ASTN1: variants seen among roughly 807,000 people sequenced by gnomAD.
ASTN1 encodes astrotactin-1.
A neutral mutation model predicts 140.7 loss-of-function variants in ASTN1; 41 were observed. That is an observed-to-expected ratio of 0.29 (90% CI 0.23 to 0.38). The LOEUF (loss-of-function observed/expected upper bound fraction) is 0.38. Among genes scored for constraint, ASTN1 ranks in the 10% least tolerant of loss-of-function variants. The pLI, the probability that ASTN1 is intolerant of heterozygous loss-of-function variation, is 1.00. For synonymous variants in ASTN1, 640 were observed against 652.2 expected (o/e 0.98, Z 0.29); for missense variants, 1,479 against 1,678.8 (o/e 0.88, Z 2.08).
chr1:176,919,473 C>T (rs550643726), intron 16 of ASTN1, among the ~76,000 whole-genome samples: 2 of 151,950 alleles, frequency 1.3e-5, no homozygotes, highest in African/African-American at 2.4e-5. Flanking sequence ...TCTACTCTAC[C>T]GTGTAAAAGA....
intron 20 of ASTN1, among the ~76,000 whole-genome samples, chr1:176,877,970 A>G (rs116680958): frequency 8.7e-4 from 133 of 152,316 alleles, no homozygotes; most frequent in African/African-American, 2.9e-3. Context: ...AACAGAGAAA[A>G]GACAACCATG....
chr1:176,862,623 A>C lies in ASTN1; in HGVS notation c.*1661T>G, dbSNP rs2103006034. ...CTGGAGACCAACAGCCTGAAATCAC[A>C]CTGAAACTCAGTGTGAGTTACAGTG... On this transcript the variant is annotated 3_prime_UTR_variant, in exon 23 of 23. Coordinates refer to ENST00000361833, the MANE Select transcript of ASTN1 (RefSeq NM_004319.3). 1 of 971,438 alleles carries C rather than the reference A, an allele frequency of 1.0e-6. No homozygotes were observed. The highest frequency in any genetic ancestry group is 1.8e-5 in the African/African-American group (1 of 56,986). 60.2% of individuals were successfully genotyped at this position (971,438 alleles called of 1,614,324 possible).
chr1:176,979,164 A>G (rs1558006335), intron 8 of ASTN1, among the ~76,000 whole-genome samples: 2 of 152,192 alleles, frequency 1.3e-5, no homozygotes, highest in Non-Finnish European at 2.9e-5. Flanking sequence ...TAGGGGGATC[A>G]TGGAACTTCC....
chr1:177,126,513 G>C (rs1332529511), intron 1 of ASTN1, among the ~76,000 whole-genome samples: 5 of 152,148 alleles, frequency 3.3e-5, no homozygotes, highest in African/African-American at 1.2e-4. Context: ...TAGCACAGGA[G>C]AGTTAATAAA....
At chr1:176,912,348 A>G (rs1282429886) in intron 16 of ASTN1, among the ~76,000 whole-genome samples, 1 of 152,222 alleles carries the variant, frequency 6.6e-6, no homozygotes, top group South Asian at 2.1e-4. Flanking sequence ...GCTTCAATAA[A>G]ACATTATTTA....
intron 1 of ASTN1, among the ~76,000 whole-genome samples, chr1:177,134,255 C>T (rs1682073610): frequency 2.0e-5 from 3 of 152,130 alleles, no homozygotes; most frequent in Admixed American, 2.0e-4. Context: ...TGCCTTTTTG[C>T]TTCTGAAATG....
intron 1 of ASTN1, among the ~76,000 whole-genome samples, chr1:177,095,033 T>A (rs1679962240): frequency 6.6e-6 from 1 of 152,202 alleles, no homozygotes; most frequent in South Asian, 2.1e-4. Context: ...CTTGGCTTAA[T>A]TGTGTTCGTG....
chr1:176,929,906 G>A lies in ASTN1; in HGVS notation c.2671+4246C>T, dbSNP rs1262006873. 2.0e-5 allele frequency among the ~76,000 whole-genome samples: 3 copies of A among 152,278 alleles called. No individual in the cohort carries two copies. In the East Asian group the frequency reaches 5.8e-4, roughly 30 times the overall value. Reference sequence around the variant, plus strand: ...GCCTGTAGTCCCAGCTACTCAGGAGGCTGAGGCAGGAGAATGGCGTGAACC... The same window carrying A: ...GCCTGTAGTCCCAGCTACTCAGGAGACTGAGGCAGGAGAATGGCGTGAACC... On this transcript the variant is annotated intron_variant, in intron 16 of 22. Coordinates refer to ENST00000361833, the MANE Select transcript of ASTN1 (RefSeq NM_004319.3).
chr1:176,959,290 T>A (rs1479241851), intron 9 of ASTN1, among the ~76,000 whole-genome samples: 5 of 152,122 alleles, frequency 3.3e-5, no homozygotes, highest in Non-Finnish European at 7.4e-5. Context: ...GTGGATGGGA[T>A]ATGAGGAGGC....
chr1:177,108,877 G>A (rs761919186), intron 1 of ASTN1, among the ~76,000 whole-genome samples: 17 of 152,100 alleles, frequency 1.1e-4, no homozygotes, highest in Admixed American at 1.3e-4. Flanking sequence ...GCATTTAGGT[G>A]GCAATGGAAA....
At chr1:176,952,533 A>G (rs1304788316) in intron 11 of ASTN1, among the ~76,000 whole-genome samples, 1 of 152,078 alleles carries the variant, frequency 6.6e-6, no homozygotes, top group Non-Finnish European at 1.5e-5. Flanking sequence ...TTTCTTCTTA[A>G]CCTTTGGGAA....
intron 1 of ASTN1, among the ~76,000 whole-genome samples, chr1:177,148,233 A>C (rs1297168483): frequency 1.3e-5 from 2 of 152,020 alleles, no homozygotes; most frequent in Non-Finnish European, 2.9e-5. Flanking sequence ...CCTGGCTAAC[A>C]CGGTGAAACC....
intron 2 of ASTN1, 53 bp downstream of exon 2, chr1:177,061,025 T>G (rs1449777584): frequency 4.9e-6 from 7 of 1,428,664 alleles, no homozygotes; most frequent in Non-Finnish European, 6.5e-6. Context: ...AGACCCTTAA[T>G]GTCAAGGTAA....
intron 11 of ASTN1, among the ~76,000 whole-genome samples, chr1:176,953,128 CT>C (rs1164011922): frequency 6.6e-6 from 1 of 152,180 alleles, no homozygotes; most frequent in Non-Finnish European, 1.5e-5. Context: ...CATTCAACTC[CT>C]TTTCTTTGTC....
chr1:176,996,179 G>C (rs1219983541), intron 8 of ASTN1, among the ~76,000 whole-genome samples: 11 of 151,372 alleles, frequency 7.3e-5, no homozygotes, highest in Admixed American at 7.2e-4. Flanking sequence ...AGCTTCAAAG[G>C]GACCAAGAAA....
intron 2 of ASTN1, among the ~76,000 whole-genome samples, chr1:177,045,101 C>T (rs986555799): frequency 2.0e-5 from 3 of 152,124 alleles, no homozygotes; most frequent in Non-Finnish European, 4.4e-5. Context: ...GCTTTCAAGT[C>T]CCAGCACACA....
At position 176,894,709 on chromosome 1, in the gene ASTN1, C is replaced by T. The variant is rs770373511; in HGVS notation, c.2793G>A (p.Met931Ile). 1.2e-6 allele frequency: 2 copies of T among 1,614,170 alleles called. No homozygotes were observed. Among genetic ancestry groups the T allele is most frequent in the Admixed American group, 1.7e-5 (1 of 60,034 alleles). The change falls in exon 17 of 23, where the codon ATG (methionine) becomes ATA (isoleucine). Residue 931 changes from methionine to isoleucine, a missense_variant. This residue lies in a region of ASTN1 where 746 missense variants were observed against 800.9 expected (regional missense o/e 0.93). Coordinates refer to ENST00000361833, the MANE Select transcript of ASTN1 (RefSeq NM_004319.3). ...GTKHMAAGVR[M>I]ECHSKGRCPS... ...GGCATCGTCCCTTGCTGTGGCACTC[C>T]ATGCGGACTCCAGCCGCCATGTGCT...
Position 177,090,953 on chromosome 1 carries a change from T to G in ASTN1, c.284-29688A>C, listed in dbSNP as rs374691396. ...CTAGATGGGTGGGGGGCTGGGGGGC[T>G]AAACACAAATATTTATAAGAAGCTG... is the stretch of plus-strand genomic sequence containing the variant. On this transcript the variant is annotated intron_variant, in intron 1 of 22. Transcript: ENST00000361833. 7.8e-4 allele frequency among the ~76,000 whole-genome samples: 118 copies of G among 152,084 alleles called. 1 individual carries two copies. The highest frequency in any genetic ancestry group is 2.8e-3 in the African/African-American group (116 of 41,502).
chr1:177,047,348 G>A (rs781719323), intron 2 of ASTN1, among the ~76,000 whole-genome samples: 1 of 152,062 alleles, frequency 6.6e-6, no homozygotes, highest in Non-Finnish European at 1.5e-5. Context: ...AGCAAGGGAG[G>A]TCCACAAAAT....
Sources: allele counts gnomAD v4.1 joint callset (sites outside exome capture counted in the v4.1 genomes callset), GRCh38; gene constraint gnomAD v4.1.1; regional missense constraint gnomAD v4.1.1; transcripts MANE v1.5; gene names NCBI Gene and HGNC (gene_info 2026-07-23, HGNC 2026-07-21).